The following MOGAT1 variants were observed in gnomAD, a reference collection of about 807,000 sequenced individuals.
The protein encoded by MOGAT1 is monoacylglycerol O-acyltransferase 1, also known as 2-acylglycerol O-acyltransferase 1.
Under a neutral mutation model 31.4 loss-of-function variants are expected in MOGAT1, and 32 were observed. The observed-to-expected ratio is 1.02, with a 90% CI of 0.77 to 1.37. MOGAT1 has a LOEUF of 1.37. Ranked by LOEUF, MOGAT1 falls within the 40% of genes most tolerant of loss-of-function variation. The pLI is 0.00. For missense variants in MOGAT1, 426 were observed against 402.0 expected (o/e 1.06, Z -0.51); for synonymous variants, 145 against 144.5 (o/e 1.00, Z -0.03).
At chr2:222,693,579 A>G (rs963105727) in intron 3 of MOGAT1, among the ~76,000 whole-genome samples, 4 of 151,918 alleles carry the variant, frequency 2.6e-5, no homozygotes, top group African/African-American at 9.7e-5. Flanking sequence ...GAGGCCTCAT[A>G]ATCATGGTGG....
rs115839244 is a variant in MOGAT1, at chr2:222,689,970, C to A, written c.478+501C>A. 9.3e-3 allele frequency among the ~76,000 whole-genome samples: 1,416 copies of A among 152,280 alleles called. 24 individuals carry two copies. Among genetic ancestry groups the A allele is most frequent in the African/African-American group, 0.033 (1,352 of 41,572 alleles). Reference sequence around the variant, plus strand: ...AATAACTTGGCTCAGAAATAAGAGTCCAGGCCGGGCGCGGTGGCTCACGCC... The same window carrying A: ...AATAACTTGGCTCAGAAATAAGAGTACAGGCCGGGCGCGGTGGCTCACGCC... On this transcript the variant is annotated intron_variant, in intron 3 of 5. Coordinates refer to ENST00000446656, the MANE Select transcript of MOGAT1 (RefSeq NM_058165.3).
intron 3 of MOGAT1, among the ~76,000 whole-genome samples, chr2:222,692,969 C>G (rs1341476225): frequency 6.6e-6 from 1 of 152,192 alleles, no homozygotes; most frequent in Non-Finnish European, 1.5e-5. Context: ...CAGGCTCAGG[C>G]TCTCTACCTC....
At chr2:222,672,135 G>T (rs923163211) in intron 1 of MOGAT1, among the ~76,000 whole-genome samples, 6 of 152,160 alleles carry the variant, frequency 3.9e-5, no homozygotes, top group African/African-American at 1.4e-4. Flanking sequence ...AATAAAAGGC[G>T]CAGTTATACG....
Position 222,686,841 on chromosome 2 carries a change from T to C in MOGAT1, c.95-1503T>C, listed in dbSNP as rs60954466. On this transcript the variant is annotated intron_variant, in intron 1 of 5. Coordinates refer to ENST00000446656, the MANE Select transcript of MOGAT1 (RefSeq NM_058165.3). Reference sequence around the variant, plus strand: ...CAAGAAATATAAATAGTCCAGGTGCTGTGGCTGACACCTGTAATCCCAACA... The same window carrying C: ...CAAGAAATATAAATAGTCCAGGTGCCGTGGCTGACACCTGTAATCCCAACA... Among the ~76,000 whole-genome samples the C allele has an allele frequency of 2.5e-4, 38 of 152,132 alleles. No homozygotes were observed. In the East Asian group the frequency reaches 5.0e-3, roughly 20 times the overall value.
At chr2:222,705,318 G>C (rs2106045995) in intron 5 of MOGAT1, among the ~76,000 whole-genome samples, 1 of 152,270 alleles carries the variant, frequency 6.6e-6, no homozygotes, top group South Asian at 2.1e-4. Context: ...CTATGACTTA[G>C]GATGCCTTAA....
chr2:222,707,281 G>GGGAA lies in MOGAT1; in HGVS notation c.854-2438_854-2435dup, dbSNP rs374278921. ...AAAGAAAGAGAGAGAGAAAGAAGGA[G>GGGAA]GGAAGGAAGGAAGGAAGGAAAGGAG... On this transcript the variant is annotated intron_variant, in intron 5 of 5. Coordinates refer to ENST00000446656, the MANE Select transcript of MOGAT1 (RefSeq NM_058165.3). Among the ~76,000 whole-genome samples the GGGAA allele has an allele frequency of 2.6e-4, 37 of 142,648 alleles. No individual in the cohort carries two copies. In the East Asian group the frequency reaches 4.5e-3, roughly 17 times the overall value. 93.6% of individuals were successfully genotyped at this position (142,648 alleles called of 152,430 possible). A position where few individuals can be genotyped will look rare whatever the true frequency, so the allele number is the denominator to read the frequency against.
chr2:222,708,310 C>G (rs1291382451), intron 5 of MOGAT1, among the ~76,000 whole-genome samples: 1 of 152,148 alleles, frequency 6.6e-6, no homozygotes, highest in African/African-American at 2.4e-5. Context: ...TATCGAACTC[C>G]TGACCTCAGG....
intron 5 of MOGAT1, among the ~76,000 whole-genome samples, chr2:222,701,059 C>T (rs1574976945): frequency 6.6e-6 from 1 of 152,208 alleles, no homozygotes; most frequent in East Asian, 1.9e-4. Context: ...TAGCTAAATC[C>T]TCTCACAGGT....
intron 5 of MOGAT1, among the ~76,000 whole-genome samples, chr2:222,701,296 GGAGGAGAGAGAGAGAGAGA>G (rs1692915486): frequency 1.1e-5 from 1 of 94,598 alleles, no homozygotes; most frequent in African/African-American, 4.2e-5. Context: ...GAGAGGAGGA[GGAGGAGAGAGAGAGAGAGA>G]GAGAGAGAGA....
intron 3 of MOGAT1, among the ~76,000 whole-genome samples, chr2:222,692,727 G>T (rs1403560163): frequency 1.3e-5 from 2 of 151,762 alleles, no homozygotes; most frequent in African/African-American, 2.4e-5. Context: ...GAGGTTAGAG[G>T]ACAAGAGAGA....
At position 222,694,432 on chromosome 2, in the gene MOGAT1, C is replaced by G; in HGVS notation, c.549C>G (p.Val183=). The G allele has an allele frequency of 6.2e-7, 1 of 1,613,818 alleles. No homozygotes were observed. Among genetic ancestry groups the G allele is most frequent in the Middle Eastern group, 1.6e-4 (1 of 6,062 alleles). The change falls in exon 4 of 6, where the codon GTC becomes GTG. Residue 183 remains valine (V), a synonymous_variant. Transcript: ENST00000446656. ...VSKEGGGNIS[V]IVLGGAKESL... ...AGGAGGGAGGTGGAAACATCTCTGT[C>G]ATTGTCCTTGGGGGTGCAAAAGAAT...
rs920425256 is a variant in MOGAT1, at chr2:222,671,792, G to A, written c.7G>A (p.Val3Ile). MK[V>I]EFAPLNIQLA... ...GTCCTCGCCCGGCCAGGCCATGAAG[G>A]TAGAGTTTGCACCGCTCAACATCCA... Residue 3 changes from valine to isoleucine, a missense_variant, in exon 1 of 6, where the codon GTA (valine) becomes ATA (isoleucine). Coordinates refer to ENST00000446656, the MANE Select transcript of MOGAT1 (RefSeq NM_058165.3). 4.5e-6 allele frequency: 7 copies of A among 1,552,114 alleles called. No individual in the cohort carries two copies. The highest frequency in any genetic ancestry group is 1.2e-5 in the South Asian group (1 of 84,100).
chr2:222,688,967 GT>G (rs1692717903), intron 2 of MOGAT1, among the ~76,000 whole-genome samples: 1 of 152,196 alleles, frequency 6.6e-6, no homozygotes, highest in Non-Finnish European at 1.5e-5. Context: ...TGGGGATTAA[GT>G]TTTTAAACAC....
chr2:222,685,598 CTTTT>C (rs574124301), intron 1 of MOGAT1, among the ~76,000 whole-genome samples: 4 of 119,996 alleles, frequency 3.3e-5, no homozygotes, highest in African/African-American at 3.2e-5. Context: ...TCTTCTTCTT[CTTTT>C]TTTTTTTTTT....
Position 222,702,027 on chromosome 2 carries a change from T to C in MOGAT1, c.853+6739T>C, listed in dbSNP as rs376359874. Among the ~76,000 whole-genome samples, 415 of 152,352 alleles carry C rather than the reference T, an allele frequency of 2.7e-3. 1 individual carries two copies. Among genetic ancestry groups the C allele is most frequent in the Non-Finnish European group, 5.2e-3 (352 of 68,038 alleles). ...ACTCCAGGTGCTAGGCAAATGCAGG[T>C]TGGCAAATGGAGTAAAGGCCTCCTG... On this transcript the variant is annotated intron_variant, in intron 5 of 5. Coordinates refer to ENST00000446656, the MANE Select transcript of MOGAT1 (RefSeq NM_058165.3).
intron 5 of MOGAT1, among the ~76,000 whole-genome samples, chr2:222,701,274 A>AAG (rs1199244447): frequency 1.3e-4 from 16 of 121,110 alleles, no homozygotes; most frequent in Admixed American, 2.4e-4. Flanking sequence ...AAGAGAGAAA[A>AAG]AGAGAGAGAG....
At chr2:222,674,518 G>A (rs1692467132) in intron 1 of MOGAT1, among the ~76,000 whole-genome samples, 1 of 152,034 alleles carries the variant, frequency 6.6e-6, no homozygotes, top group African/African-American at 2.4e-5. Flanking sequence ...TAGGTAAATT[G>A]ATCATCATGG....
chr2:222,688,839 A>G (rs1482172602), intron 2 of MOGAT1, among the ~76,000 whole-genome samples: 1 of 152,186 alleles, frequency 6.6e-6, no homozygotes, highest in Non-Finnish European at 1.5e-5. Flanking sequence ...TCATTCCTTT[A>G]TAAGGAACTC....
At chr2:222,687,860 C>T (rs1272851419) in intron 1 of MOGAT1, among the ~76,000 whole-genome samples, 2 of 152,158 alleles carry the variant, frequency 1.3e-5, no homozygotes, top group Non-Finnish European at 2.9e-5. Flanking sequence ...TCCCTCCTGT[C>T]GGTGATGATT....
Sources: gnomAD v4.1 joint callset for allele counts (sites outside exome capture counted in the v4.1 genomes callset) on GRCh38, gnomAD v4.1.1 for gene constraint, MANE v1.5 for transcripts, NCBI Gene and HGNC (gene_info 2026-07-23, HGNC 2026-07-21) for gene names.